RCAN1: variants seen among roughly 807,000 people sequenced by gnomAD.
RCAN1 encodes the protein calcipressin-1.
Under a neutral mutation model 22.9 loss-of-function variants are expected in RCAN1, and 11 were observed. The ratio of observed to expected loss-of-function variants is 0.48; its 90% CI spans 0.30 to 0.79. The LOEUF is 0.79. RCAN1 is among the 30% of genes least tolerant of loss of function. The pLI, the probability that RCAN1 is intolerant of heterozygous loss-of-function variation, is 0.06. For missense variants in RCAN1, 291 were observed against 337.8 expected, an observed-to-expected ratio of 0.86 and a Z score of 1.09; for synonymous variants, 136 against 142.3, an observed-to-expected ratio of 0.96 and a Z score of 0.32.
chr21:34,604,275 C>T (rs569645815), intron 1 of RCAN1, among the ~76,000 whole-genome samples: 32 of 152,196 alleles, frequency 2.1e-4, no homozygotes, highest in African/African-American at 6.3e-4. Flanking sequence ...GGATTACAGG[C>T]GCCCACCACT....
intron 1 of RCAN1, among the ~76,000 whole-genome samples, chr21:34,582,137 C>T (rs748633256): frequency 7.9e-5 from 12 of 152,148 alleles, no homozygotes; most frequent in East Asian, 1.9e-4. Context: ...TTTGACACCA[C>T]GGACTCACTT....
intron 1 of RCAN1, among the ~76,000 whole-genome samples, chr21:34,537,880 C>T (rs1298986638): frequency 6.6e-6 from 1 of 152,162 alleles, no homozygotes; most frequent in East Asian, 1.9e-4. Context: ...TGTATGGGCA[C>T]ATCACATTCC....
At chr21:34,604,797 A>C (rs143901494) in intron 1 of RCAN1, among the ~76,000 whole-genome samples, 1 of 152,354 alleles carries the variant, frequency 6.6e-6, no homozygotes, top group East Asian at 1.9e-4. Flanking sequence ...GTGGGCTGCC[A>C]GCCTGGGGCC....
chr21:34,614,481 C>T lies in RCAN1; in HGVS notation c.252+279G>A. 2 of 1,015,388 alleles carry T rather than the reference C, an allele frequency of 2.0e-6. No homozygotes were observed. Among genetic ancestry groups the T allele is most frequent in the Middle Eastern group, 4.7e-4 (1 of 2,108 alleles). 62.9% of individuals were successfully genotyped at this position (1,015,388 alleles called of 1,614,324 possible). On this transcript the variant is annotated intron_variant, in intron 1 of 3. Transcript: ENST00000313806. This position sits in a 1 kb window ranked among gnomAD's most constrained non-coding sequence, Gnocchi z 6.0. ...TGCCCCACCTTGGGGAGCGAATTCACCCCCCTAGTCGCACCAGCCTGGGCG... is the reference window on the plus strand; with the variant it reads ...TGCCCCACCTTGGGGAGCGAATTCATCCCCCTAGTCGCACCAGCCTGGGCG...
rs1988784715 is a variant in RCAN1, at chr21:34,615,027, A to T, written c.-16T>A. 1.9e-6 allele frequency: 2 copies of T among 1,043,172 alleles called. No homozygotes were observed. The highest frequency in any genetic ancestry group is 3.4e-5 in the African/African-American group (2 of 58,110). The allele number at this position is 1,043,172 out of a possible 1,614,324, so 64.6% of individuals were successfully genotyped here. A position where few individuals can be genotyped will look rare whatever the true frequency, so the allele number is the denominator to read the frequency against. On this transcript the variant is annotated 5_prime_UTR_variant, in exon 1 of 4. Transcript: ENST00000313806. ...CGTCCTCCATCCCCGCGCCCGCGCG[A>T]CCCTGTGCGCCCCAGCGGGCTGCTC...
intron 1 of RCAN1, among the ~76,000 whole-genome samples, chr21:34,572,845 A>G (rs1230787613): frequency 6.6e-6 from 1 of 152,244 alleles, no homozygotes; most frequent in Non-Finnish European, 1.5e-5. Flanking sequence ...TCTTCACATG[A>G]CAGCAGGAGA....
intron 1 of RCAN1, among the ~76,000 whole-genome samples, chr21:34,563,348 T>C (rs1259419862): frequency 1.2e-4 from 18 of 152,180 alleles, no homozygotes; most frequent in Non-Finnish European, 5.9e-5. Flanking sequence ...AAAGGGTCCG[T>C]AGTCTTGAGA....
intron 1 of RCAN1, among the ~76,000 whole-genome samples, chr21:34,606,982 T>C (rs1419544711): frequency 2.6e-5 from 4 of 152,262 alleles, no homozygotes; most frequent in Non-Finnish European, 5.9e-5. Context: ...GCTATTGTTA[T>C]GTTGAGGAAC....
intron 1 of RCAN1, chr21:34,559,745 G>C (rs1287842029): frequency 6.6e-6 from 1 of 152,158 alleles, no homozygotes; most frequent in Admixed American, 6.5e-5. Context: ...GAGGATATAG[G>C]GAAGGTGTTA....
intron 1 of RCAN1, among the ~76,000 whole-genome samples, chr21:34,551,762 T>A (rs886225119): frequency 6.6e-6 from 1 of 152,078 alleles, no homozygotes; most frequent in Non-Finnish European, 1.5e-5. Context: ...TCTCCCTGAA[T>A]GTTGGAGGAT....
intron 1 of RCAN1, among the ~76,000 whole-genome samples, chr21:34,579,450 G>T (rs1411686874): frequency 1.3e-5 from 2 of 152,124 alleles, no homozygotes; most frequent in Non-Finnish European, 2.9e-5. Context: ...TTTGACCCCA[G>T]GCCTTGGGTA....
At chr21:34,529,885 T>C (rs1414892878) in intron 1 of RCAN1, among the ~76,000 whole-genome samples, 1 of 152,230 alleles carries the variant, frequency 6.6e-6, no homozygotes, top group Non-Finnish European at 1.5e-5. Flanking sequence ...ATTCTCGTGA[T>C]AGTGAATAAG....
chr21:34,525,558 G>T, intron 1 of RCAN1: 1 of 500,938 alleles, frequency 2.0e-6, no homozygotes, highest in Non-Finnish European at 3.3e-6. Context: ...TTATGATTCA[G>T]AATTTGGGAG....
intron 1 of RCAN1, among the ~76,000 whole-genome samples, chr21:34,573,071 C>G (rs1601188750): frequency 6.6e-6 from 1 of 152,156 alleles, no homozygotes; most frequent in Non-Finnish European, 1.5e-5. Flanking sequence ...TAGATCCAAG[C>G]AAATGTCAGC....
intron 1 of RCAN1, among the ~76,000 whole-genome samples, chr21:34,609,651 C>T (rs1322172280): frequency 6.6e-6 from 1 of 152,120 alleles, no homozygotes; most frequent in African/African-American, 2.4e-5. Context: ...ATGTAATTGT[C>T]CTGAGGCTGG....
At chr21:34,607,434 G>T (rs932905067) in intron 1 of RCAN1, among the ~76,000 whole-genome samples, 15 of 151,852 alleles carry the variant, frequency 9.9e-5, no homozygotes, top group African/African-American at 3.6e-4. Context: ...CTGTATTCCA[G>T]GCTGTAGTGC....
intron 1 of RCAN1, among the ~76,000 whole-genome samples, chr21:34,605,346 C>T (rs932982715): frequency 1.3e-5 from 2 of 152,248 alleles, no homozygotes; most frequent in Non-Finnish European, 2.9e-5. Flanking sequence ...AGCTTGTAGA[C>T]AGCCTATTGT....
intron 1 of RCAN1, among the ~76,000 whole-genome samples, chr21:34,541,951 TAA>T: frequency 6.6e-6 from 1 of 151,890 alleles, no homozygotes; most frequent in South Asian, 2.1e-4. Flanking sequence ...ATAAAATAAA[TAA>T]AAAAAATTTT....
Position 34,521,633 on chromosome 21 carries a change from A to G in RCAN1, c.452T>C (p.Leu151Pro). The change falls in exon 3 of 4, where the codon CTG becomes CCG. Residue 151 changes from leucine (L) to proline (P), a missense_variant. Transcript: ENST00000313806. ...CTGCTTGTCTGGATTTGGCGGAGCCAGGTGTGAGCTTCCTATGTGTAAGGT... is the reference window on the plus strand; with the variant it reads ...CTGCTTGTCTGGATTTGGCGGAGCCGGGTGTGAGCTTCCTATGTGTAAGGT... ...AQTLHIGSSH[L>P]APPNPDKQFL... 1.2e-6 allele frequency: 2 copies of G among 1,613,400 alleles called. No homozygotes were observed. The highest frequency in any genetic ancestry group is 1.7e-6 in the Non-Finnish European group (2 of 1,179,612).
Sources: allele counts gnomAD v4.1 joint callset (sites outside exome capture counted in the v4.1 genomes callset), GRCh38; gene constraint gnomAD v4.1.1; non-coding constraint Gnocchi (gnomAD v3.1); transcripts MANE v1.5; gene names NCBI Gene and HGNC (gene_info 2026-07-23, HGNC 2026-07-21).